DST: variants seen among roughly 807,000 people sequenced by gnomAD.
The protein encoded by DST is bullous pemphigoid antigen.
A neutral mutation model predicts 875.2 loss-of-function variants in DST; 253 were observed. That is an observed-to-expected ratio of 0.29 (90% CI 0.26 to 0.32). The LOEUF (loss-of-function observed/expected upper bound fraction) is 0.32, where lower values mean the gene tolerates loss of function less well. Ranked by LOEUF, DST falls within the 10% of genes least tolerant of loss-of-function variation. The pLI, the probability that DST is intolerant of heterozygous loss-of-function variation, is 1.00. For missense variants in DST, 8,287 were observed against 9,111.6 expected, an observed-to-expected ratio of 0.91 and a Z score of 3.68; for synonymous variants, 3,124 against 3,197.1, an observed-to-expected ratio of 0.98 and a Z score of 0.77.
chr6:56,742,302 G>A (rs1339604129), intron 4 of DST: 11 of 1,289,602 alleles, frequency 8.5e-6, no homozygotes, highest in Admixed American at 6.9e-5. Context: ...CCAGCTTTGC[G>A]TTCCAATCTT....
intron 80 of DST, among the ~76,000 whole-genome samples, chr6:56,500,851 T>C (rs2096094343): frequency 6.6e-6 from 1 of 152,172 alleles, no homozygotes; most frequent in Admixed American, 6.6e-5. Flanking sequence ...CCTTGTTTTG[T>C]TTGATAAAAA....
intron 9 of DST, among the ~76,000 whole-genome samples, chr6:56,683,789 G>A (rs183326054): frequency 7.2e-5 from 11 of 152,234 alleles, no homozygotes; most frequent in East Asian, 5.8e-4. Context: ...CTCACTTTCC[G>A]ATAATAACAG....
At chr6:56,737,345 A>G (rs934929183) in intron 4 of DST, among the ~76,000 whole-genome samples, 1 of 152,270 alleles carries the variant, frequency 6.6e-6, no homozygotes, top group Non-Finnish European at 1.5e-5. Context: ...GTTGAAAAGG[A>G]CACAAGAAAC....
In DST at chr6:56,530,143, T is replaced by C. The variant is rs775379115; in HGVS notation, c.17109-10A>G. On this transcript the variant is annotated splice_polypyrimidine_tract_variant and intron_variant, in intron 64 of 103. Coordinates refer to ENST00000680361, the MANE Select transcript of DST (RefSeq NM_001374736.1). ...TTCCAACTGACGATTCCTACAAATG[T>C]GCCAAAAGGTCATTTAGGGATGAAG... 4 of 1,564,050 alleles carry C rather than the reference T, an allele frequency of 2.6e-6. No individual in the cohort carries two copies. The highest frequency in any genetic ancestry group is 3.9e-5 in the Admixed American group (2 of 51,232).
chr6:56,601,410 C>G, intron 44 of DST, 33 bp downstream of exon 44: 1 of 1,435,170 alleles, frequency 7.0e-7, no homozygotes, highest in Non-Finnish European at 9.6e-7. Context: ...ACACTAAAAA[C>G]AATGAATGCC....
chr6:56,474,536 T>A (rs2095071287), intron 92 of DST, among the ~76,000 whole-genome samples: 1 of 151,908 alleles, frequency 6.6e-6, no homozygotes, highest in African/African-American at 2.4e-5. Context: ...GTAAAGAGAG[T>A]AAATTGAAAA....
chr6:56,927,839 G>C (rs1319373133), intron 2 of DST, among the ~76,000 whole-genome samples: 1 of 152,174 alleles, frequency 6.6e-6, no homozygotes, highest in Admixed American at 6.6e-5. Flanking sequence ...ACAGGTACTA[G>C]AGGACTAGAA....
intron 36 of DST, 31 bp downstream of exon 36, chr6:56,624,499 T>C (rs374411491): frequency 6.9e-7 from 1 of 1,446,448 alleles, no homozygotes. Flanking sequence ...AGCTCCTTTA[T>C]ATTTACAGGG....
chr6:56,547,670 A>T (rs181068025), intron 61 of DST, among the ~76,000 whole-genome samples: 1 of 152,206 alleles, frequency 6.6e-6, no homozygotes, highest in African/African-American at 2.4e-5. Flanking sequence ...TTGATTTTCA[A>T]TATGGTGACA....
At chr6:56,587,112 C>T (rs565803441) in intron 49 of DST, among the ~76,000 whole-genome samples, 8 of 152,012 alleles carry the variant, frequency 5.3e-5, no homozygotes, top group East Asian at 1.9e-4. Flanking sequence ...CAAACTACTC[C>T]GAGCTACAGG....
rs148502306 is a variant in DST, at chr6:56,870,282, A to C, written c.418-18678T>G. Reference sequence around the variant, plus strand: ...TTAGGCAAAAACAGGAGGTAAGGAAATAGCCAATCATCTATCGCCTGAGAG... The same window carrying C: ...TTAGGCAAAAACAGGAGGTAAGGAACTAGCCAATCATCTATCGCCTGAGAG... On this transcript the variant is annotated intron_variant, in intron 3 of 103. Coordinates refer to ENST00000680361, the MANE Select transcript of DST (RefSeq NM_001374736.1). Among the ~76,000 whole-genome samples the C allele has an allele frequency of 1.6e-3, 251 of 152,194 alleles. 2 individuals carry two copies. Among genetic ancestry groups the C allele is most frequent in the Middle Eastern group, 0.014 (4 of 294 alleles).
chr6:56,492,237 C>G lies in DST; in HGVS notation c.20747G>C (p.Arg6916Thr). 6.2e-7 allele frequency: 1 copy of G among 1,613,720 alleles called. No individual in the cohort carries two copies. Among genetic ancestry groups the G allele is most frequent in the Middle Eastern group, 1.6e-4 (1 of 6,062 alleles). ...CTAAAGGGTTATTACCTGCTTGGCT[C>G]TCTTCCTTGCATCATCCAAAGATCT... ...RGRSLDDARKRAKQFHEAWSK... is the reference protein window; with the variant it reads ...RGRSLDDARKTAKQFHEAWSK... Residue 6916 changes from arginine to threonine, a missense_variant, in exon 85 of 104, where the codon AGA becomes ACA. Around this residue, in one of 10 missense-constraint regions of DST, gnomAD observed 1,292 missense variants for 1,552.7 expected, o/e 0.83. Coordinates refer to ENST00000680361, the MANE Select transcript of DST (RefSeq NM_001374736.1).
intron 4 of DST, among the ~76,000 whole-genome samples, chr6:56,789,377 G>A (rs977096777): frequency 2.0e-5 from 3 of 152,060 alleles, no homozygotes; most frequent in African/African-American, 7.3e-5. Flanking sequence ...AGTTATATAT[G>A]CATATGTACA....
intron 61 of DST, among the ~76,000 whole-genome samples, chr6:56,551,314 T>C (rs944664017): frequency 7.2e-5 from 11 of 152,212 alleles, no homozygotes; most frequent in Non-Finnish European, 1.0e-4. Flanking sequence ...CTTTATGCAC[T>C]AATGGTGCAA....
At position 56,492,924 on chromosome 6, in the gene DST, C is replaced by T. The variant is rs772483471; in HGVS notation, c.20550+10G>A. 6 of 1,553,648 alleles carry T rather than the reference C, an allele frequency of 3.9e-6. No individual in the cohort carries two copies. Among genetic ancestry groups the T allele is most frequent in the African/African-American group, 2.8e-5 (2 of 71,946 alleles). ...AAAAGAGAATCCTATCTATTTGACT[C>T]ACTACATACCTTGTGTTCGTCAATT... On this transcript the variant is annotated intron_variant, in intron 84 of 103. Transcript: ENST00000680361.
intron 36 of DST, chr6:56,619,524 A>T: frequency 6.2e-7 from 1 of 1,612,956 alleles, no homozygotes; most frequent in Non-Finnish European, 8.5e-7. Flanking sequence ...TGTGAATTTA[A>T]ATGCTGAATA....
intron 88 of DST, 131 bp downstream of exon 88, chr6:56,485,181 C>A: frequency 1.0e-6 from 1 of 1,004,556 alleles, no homozygotes; most frequent in South Asian, 1.6e-5. Flanking sequence ...ACACATATTT[C>A]AACAATAAAG....
At chr6:56,741,382 T>C (rs2099546319) in intron 4 of DST, among the ~76,000 whole-genome samples, 1 of 152,196 alleles carries the variant, frequency 6.6e-6, no homozygotes, top group African/African-American at 2.4e-5. Context: ...TCTGATACTG[T>C]TTTCTAACAG....
intron 55 of DST, 133 bp downstream of exon 55, chr6:56,568,336 C>T: frequency 2.2e-6 from 2 of 909,116 alleles, no homozygotes; most frequent in Non-Finnish European, 3.2e-6. Context: ...CTTACAGATG[C>T]CATGTTTCTT....
Sources: allele counts gnomAD v4.1 joint callset (sites outside exome capture counted in the v4.1 genomes callset), GRCh38; gene constraint gnomAD v4.1.1; regional missense constraint gnomAD v4.1.1; transcripts MANE v1.5; gene names NCBI Gene and HGNC (gene_info 2026-07-23, HGNC 2026-07-21).